UBN2: variants seen among roughly 807,000 people sequenced by gnomAD.
UBN2 encodes the protein ubinuclein 2.
In UBN2, 35 loss-of-function variants were observed where a neutral mutation model predicts 120.2. That is an observed-to-expected ratio of 0.29 (90% CI 0.22 to 0.39). UBN2 has a LOEUF of 0.39. Among genes scored for constraint, UBN2 ranks in the 10% least tolerant of loss-of-function variants. The pLI, the probability that UBN2 is intolerant of heterozygous loss-of-function variation, is 1.00. For synonymous variants in UBN2, 661 were observed against 648.7 expected, an observed-to-expected ratio of 1.02 and a Z score of -0.29; for missense variants, 1,693 against 1,663.2, an observed-to-expected ratio of 1.02 and a Z score of -0.31.
rs1796021197 is a variant in UBN2 at position 139,231,799 on chromosome 7, G to A, written c.315G>A (p.Gln105=). The A allele has an allele frequency of 2.8e-6, 4 of 1,418,418 alleles. 1 individual carries two copies. The South Asian group carries it at 4.3e-5, about 15-fold the overall frequency. The allele number at this position is 1,418,418 out of a possible 1,614,324, so 87.9% of individuals were successfully genotyped here. The change falls in exon 1 of 18, where the codon CAG becomes CAA. Residue 105 remains glutamine, a synonymous_variant. Transcript: ENST00000473989. ...PPPPFPPLPL[Q]PPPPRESASR... is the part of the protein sequence containing the mutation. Reference sequence around the variant, plus strand: ...CGCCGTTCCCGCCGCTGCCCTTGCAGCCGCCCCCGCCGCGGGAGTCGGCTT... The same window carrying A: ...CGCCGTTCCCGCCGCTGCCCTTGCAACCGCCCCCGCCGCGGGAGTCGGCTT...
intron 2 of UBN2, among the ~76,000 whole-genome samples, chr7:139,244,646 G>A (rs1241083597): frequency 6.6e-6 from 1 of 151,894 alleles, no homozygotes; most frequent in Non-Finnish European, 1.5e-5. Context: ...AATGACCATG[G>A]TTATCTGCTT....
At chr7:139,268,001 C>G (rs1797150576) in intron 7 of UBN2, among the ~76,000 whole-genome samples, 1 of 152,244 alleles carries the variant, frequency 6.6e-6, no homozygotes, top group South Asian at 2.1e-4. Flanking sequence ...TTTCTTTCCA[C>G]CTGGGAACCC....
At chr7:139,253,291 A>C (rs965849546) in intron 3 of UBN2, among the ~76,000 whole-genome samples, 3 of 116,890 alleles carry the variant, frequency 2.6e-5, no homozygotes, top group African/African-American at 5.1e-5. Flanking sequence ...TTATCTACTG[A>C]AGTAACTGTG....
intron 6 of UBN2, among the ~76,000 whole-genome samples, chr7:139,265,336 G>T (rs1446811198): frequency 6.6e-6 from 1 of 152,070 alleles, no homozygotes. Flanking sequence ...AAATTAGCCA[G>T]GCGTGGTGAC....
chr7:139,266,416 C>CT lies in UBN2; in HGVS notation c.1466+16dup. 1 of 1,316,396 alleles carries CT rather than the reference C, an allele frequency of 7.6e-7. No individual in the cohort carries two copies. Among genetic ancestry groups the CT allele is most frequent in the South Asian group, 1.3e-5 (1 of 77,162 alleles). 81.5% of individuals were successfully genotyped at this position (1,316,396 alleles called of 1,614,324 possible). On this transcript the variant is annotated intron_variant, in intron 7 of 17. Transcript: ENST00000473989. ...ATATTCTTCTGGAGTAAGTAATTTT[C>CT]TTTAAAAAAAAAAACCTTAAGAATG... is the stretch of plus-strand genomic sequence containing the variant.
intron 8 of UBN2, 53 bp downstream of exon 8, chr7:139,269,576 T>C: frequency 6.3e-7 from 1 of 1,590,732 alleles, no homozygotes; most frequent in Non-Finnish European, 8.6e-7. Flanking sequence ...CCTGTAAAGA[T>C]ACTTGTTTCT....
intron 2 of UBN2, among the ~76,000 whole-genome samples, chr7:139,247,170 A>G (rs1584991582): frequency 1.3e-5 from 2 of 152,096 alleles, no homozygotes; most frequent in East Asian, 3.8e-4. Flanking sequence ...AAAAAAAACA[A>G]AAAACTACCA....
chr7:139,329,537 T>C, the UBN2 span, among the ~76,000 whole-genome samples: 4 of 152,166 alleles, frequency 2.6e-5, no homozygotes, highest in Admixed American at 2.6e-4. Flanking sequence ...CCTGACACTT[T>C]CATTCCCACT....
chr7:139,303,759 TA>T lies in UBN2; in HGVS notation c.*5930del, dbSNP rs1371082340. 2.6e-5 allele frequency: 4 copies of T among 152,188 alleles called. No individual in the cohort carries two copies. The highest frequency in any genetic ancestry group is 4.4e-5 in the Non-Finnish European group (3 of 68,036). The allele number at this position is 152,188 out of a possible 1,614,324, so 9.4% of individuals were successfully genotyped here. On this transcript the variant is annotated 3_prime_UTR_variant, in exon 18 of 18. Transcript: ENST00000473989. Reference sequence around the variant, plus strand: ...AAAAGCACCCTATGGTTTTTAAATTTAAAAAAATCACTGGAATTTTAATTTA... The same window carrying T: ...AAAAGCACCCTATGGTTTTTAAATTTAAAAAATCACTGGAATTTTAATTTA...
chr7:139,236,909 G>C, intron 1 of UBN2, 96 bp from the exon 2 acceptor site: 1 of 619,992 alleles, frequency 1.6e-6, no homozygotes, highest in Non-Finnish European at 2.7e-6. Flanking sequence ...AAATAGAATT[G>C]AAGTGGTTGT....
intron 5 of UBN2, 90 bp downstream of exon 5, chr7:139,259,460 A>G (rs1224361527): frequency 4.0e-6 from 6 of 1,517,860 alleles, no homozygotes; most frequent in Non-Finnish European, 5.3e-6. Flanking sequence ...AACTAATTCA[A>G]CCTAGCTGAG....
At chr7:139,325,568 C>T in the UBN2 span, among the ~76,000 whole-genome samples, 1 of 152,058 alleles carries the variant, frequency 6.6e-6, no homozygotes, top group South Asian at 2.1e-4. Context: ...CATGCCCGGC[C>T]GAAATCACTG....
At chr7:139,284,760 T>A (rs780467442) in intron 15 of UBN2, among the ~76,000 whole-genome samples, 186 bp downstream of exon 15, 2 of 152,170 alleles carry the variant, frequency 1.3e-5, no homozygotes, top group Non-Finnish European at 2.9e-5. Flanking sequence ...GTTGAGGTGT[T>A]TGTTGGGATA....
At chr7:139,270,233 C>A (rs909684865) in intron 8 of UBN2, among the ~76,000 whole-genome samples, 1 of 151,428 alleles carries the variant, frequency 6.6e-6, no homozygotes, top group African/African-American at 2.4e-5. Flanking sequence ...ATATTGTGCA[C>A]CTGAGATTCA....
intron 8 of UBN2, among the ~76,000 whole-genome samples, chr7:139,271,193 A>G (rs1393005544): frequency 6.6e-6 from 1 of 152,194 alleles, no homozygotes; most frequent in Non-Finnish European, 1.5e-5. Context: ...ATTTTATGTT[A>G]TATGTGCTGT....
At chr7:139,270,581 A>T (rs538953663) in intron 8 of UBN2, among the ~76,000 whole-genome samples, 1 of 151,252 alleles carries the variant, frequency 6.6e-6, no homozygotes, top group African/African-American at 2.4e-5. Context: ...AAACACATTC[A>T]TTTTTTACTG....
At position 139,273,343 on chromosome 7, in the gene UBN2, G is replaced by A. The variant is rs770864221; in HGVS notation, c.1762G>A (p.Asp588Asn). The change falls in exon 10 of 18, where the codon GAT (aspartate) becomes AAT (asparagine). Residue 588 changes from aspartate to asparagine, a missense_variant. Asp to Asn is a conservative substitution (Grantham distance 23). Around this residue, in one of 5 missense-constraint regions of UBN2, gnomAD observed 178 missense variants for 204.0 expected, o/e 0.87. Coordinates refer to ENST00000473989, the MANE Select transcript of UBN2 (RefSeq NM_173569.4). ...EREKNGSEED[D>N]DEKPGKRVIG... ...AGAAAAAAATGGATCTGAAGAGGAT[G>A]ATGATGAGAAACCAGGAAAACGTGT... 1 of 1,610,136 alleles carries A rather than the reference G, an allele frequency of 6.2e-7. No individual in the cohort carries two copies. The highest frequency in any genetic ancestry group is 1.3e-5 in the African/African-American group (1 of 74,828).
intron 17 of UBN2, among the ~76,000 whole-genome samples, chr7:139,297,058 G>T (rs1315684866): frequency 6.6e-6 from 1 of 152,080 alleles, no homozygotes; most frequent in Non-Finnish European, 1.5e-5. Flanking sequence ...GCCGGGCATG[G>T]TGGTGTGCGC....
chr7:139,309,296 T>C (rs866996958), downstream of UBN2, among the ~76,000 whole-genome samples: 1 of 152,222 alleles, frequency 6.6e-6, no homozygotes, highest in Non-Finnish European at 1.5e-5. Context: ...ATTTTCAGTG[T>C]GTTGTCATGA....
Sources: allele counts gnomAD v4.1 joint callset (sites outside exome capture counted in the v4.1 genomes callset), GRCh38; gene constraint gnomAD v4.1.1; regional missense constraint gnomAD v4.1.1; transcripts MANE v1.5; gene names NCBI Gene and HGNC (gene_info 2026-07-23, HGNC 2026-07-21).